AKAP13: variants seen among roughly 807,000 people sequenced by gnomAD.
AKAP13 encodes the protein A-kinase anchoring protein 13, also known as A-kinase anchor protein 13.
Under a neutral mutation model 264.5 loss-of-function variants are expected in AKAP13, and 80 were observed. The observed-to-expected ratio is 0.30, with a 90% CI of 0.25 to 0.36. The LOEUF is 0.36. Among genes scored for constraint, AKAP13 ranks in the 10% least tolerant of loss-of-function variants. The pLI is 1.00. For missense variants in AKAP13, 3,712 were observed against 3,435.2 expected, an observed-to-expected ratio of 1.08 and a Z score of -2.01; for synonymous variants, 1,380 against 1,250.2, an observed-to-expected ratio of 1.10 and a Z score of -2.19.
At chr15:85,647,493 T>C (rs1001910434) in intron 10 of AKAP13, among the ~76,000 whole-genome samples, 15 of 150,920 alleles carry the variant, frequency 9.9e-5, no homozygotes, top group African/African-American at 3.2e-4. Flanking sequence ...ATGTACCCTG[T>C]GTGCCTTCCT....
At chr15:85,446,629 A>G (rs1020631434) in intron 1 of AKAP13, among the ~76,000 whole-genome samples, 5 of 152,100 alleles carry the variant, frequency 3.3e-5, no homozygotes, top group African/African-American at 9.7e-5. Context: ...GGATGCGAGG[A>G]CAATCTGGAA....
At chr15:85,485,795 G>C (rs2075522403) in intron 2 of AKAP13, 42 bp downstream of exon 2, 1 of 1,591,536 alleles carries the variant, frequency 6.3e-7, no homozygotes, top group South Asian at 1.1e-5. Flanking sequence ...GTGTTTATCT[G>C]TTCTGCTTAC....
intron 34 of AKAP13, 31 bp downstream of exon 34, chr15:85,740,303 T>C: frequency 1.9e-6 from 3 of 1,612,972 alleles, no homozygotes; most frequent in Non-Finnish European, 2.5e-6. Flanking sequence ...TCCCTGCGTT[T>C]ATTTGTCTAG....
intron 4 of AKAP13, among the ~76,000 whole-genome samples, chr15:85,540,386 G>T (rs1238354760): frequency 6.6e-6 from 1 of 152,106 alleles, no homozygotes; most frequent in Non-Finnish European, 1.5e-5. Flanking sequence ...ACTGGTTAGG[G>T]GCTTTAATTA....
intron 1 of AKAP13, among the ~76,000 whole-genome samples, chr15:85,413,942 A>G (rs1231268556): frequency 1.3e-5 from 2 of 152,204 alleles, no homozygotes; most frequent in Non-Finnish European, 1.5e-5. Flanking sequence ...GAATATATGT[A>G]TATTTTAATT....
intron 1 of AKAP13, among the ~76,000 whole-genome samples, chr15:85,446,647 G>T (rs529328727): frequency 6.6e-6 from 1 of 152,110 alleles, no homozygotes; most frequent in South Asian, 2.1e-4. Flanking sequence ...GAATTAGCTG[G>T]TCTGGCCAAG....
At chr15:85,621,172 T>G (rs895622796) in intron 8 of AKAP13, 1 of 152,216 alleles carries the variant, frequency 6.6e-6, no homozygotes, top group East Asian at 1.9e-4. Flanking sequence ...ATTTTTTTCT[T>G]TGGTCAAGTG....
intron 3 of AKAP13, among the ~76,000 whole-genome samples, chr15:85,531,652 A>G (rs983338220): frequency 6.6e-6 from 1 of 152,198 alleles, no homozygotes; most frequent in Non-Finnish European, 1.5e-5. Context: ...CATATACATT[A>G]TTATAAAGTG....
At chr15:85,696,413 A>G (rs764205754) in intron 17 of AKAP13, among the ~76,000 whole-genome samples, 18 of 152,242 alleles carry the variant, frequency 1.2e-4, no homozygotes, top group Non-Finnish European at 2.2e-4. Flanking sequence ...GCTGCCTAAC[A>G]TAAAGACTGA....
chr15:85,460,408 T>C (rs1444633686), intron 1 of AKAP13, among the ~76,000 whole-genome samples: 1 of 152,252 alleles, frequency 6.6e-6, no homozygotes, highest in Non-Finnish European at 1.5e-5. Context: ...GGAAGTTCAC[T>C]GGTGTGACAT....
chr15:85,427,212 C>T (rs2072832859), intron 1 of AKAP13, among the ~76,000 whole-genome samples: 1 of 152,108 alleles, frequency 6.6e-6, no homozygotes, highest in Admixed American at 6.5e-5. Flanking sequence ...GCCTCGGCCT[C>T]CCAAAGTGCT....
intron 1 of AKAP13, among the ~76,000 whole-genome samples, chr15:85,477,139 A>G (rs1314200132): frequency 6.6e-6 from 1 of 152,102 alleles, no homozygotes; most frequent in African/African-American, 2.4e-5. Context: ...TGGTATCCCA[A>G]AAGAACTGTT....
chr15:85,656,916 A>G lies in AKAP13; in HGVS notation c.4745+1129A>G, dbSNP rs2083124798. Among the ~76,000 whole-genome samples the G allele has an allele frequency of 1.3e-5, 2 of 152,148 alleles. 1 individual carries two copies. Among genetic ancestry groups the G allele is most frequent in the South Asian group, 4.1e-4 (2 of 4,834 alleles). On this transcript the variant is annotated intron_variant, in intron 11 of 36. Transcript: ENST00000394518. Reference sequence around the variant, plus strand: ...GGATGAGGCTGACAGTTGTTTTAAAACAATTGATGTAATCTCATGAGCCCA... The same window carrying G: ...GGATGAGGCTGACAGTTGTTTTAAAGCAATTGATGTAATCTCATGAGCCCA...
rs2078965785 is a variant in AKAP13, at chr15:85,575,238, C to G, written c.770C>G (p.Ser257Cys). ...GAGTTGGACATCTATACATTAACCT[C>G]TGAGTCTGATTCACATCATGAACAC... ...HRELDIYTLT[S>C]ESDSHHEHPF... Residue 257 changes from serine to cysteine, a missense_variant, in exon 6 of 37, where the codon TCT becomes TGT. Physicochemically the swap from Ser to Cys is moderately radical, Grantham distance 112 (BLOSUM62 -1). Around this residue, in one of 3 missense-constraint regions of AKAP13, gnomAD observed 2,759 missense variants for 2,411.7 expected, o/e 1.14. Transcript: ENST00000394518. The G allele has an allele frequency of 6.2e-7, 1 of 1,614,186 alleles. No homozygotes were observed. The highest frequency in any genetic ancestry group is 8.5e-7 in the Non-Finnish European group (1 of 1,180,036).
rs202206128 is a variant in AKAP13, at chr15:85,743,529, C to T, written c.8096C>T (p.Ser2699Leu). Residue 2699 changes from serine to leucine, a missense_variant, in exon 36 of 37, where the codon TCG (serine) becomes TTG (leucine). By Grantham distance (145) the Ser-to-Leu change is moderately radical. Transcript: ENST00000394518. ...HPHTKLMRIP[S>L]FFPSPEEPPS... ...CATACCAAGCTGATGAGGATCCCAT[C>T]GTTCTTCCCCAGTCCTGAGGAGCCC... is the stretch of plus-strand genomic sequence containing the variant. 156 of 1,614,176 alleles carry T rather than the reference C, an allele frequency of 9.7e-5. No homozygotes were observed. Among genetic ancestry groups the T allele is most frequent in the African/African-American group, 8.0e-5 (6 of 75,052 alleles).
chr15:85,422,436 G>A (rs2072566509), intron 1 of AKAP13, among the ~76,000 whole-genome samples: 1 of 152,154 alleles, frequency 6.6e-6, no homozygotes, highest in Admixed American at 6.5e-5. Context: ...CTTATGTTGG[G>A]GAAGTACTCT....
intron 8 of AKAP13, among the ~76,000 whole-genome samples, chr15:85,588,528 C>G (rs1292913637): frequency 6.6e-6 from 1 of 152,186 alleles, no homozygotes; most frequent in African/African-American, 2.4e-5. Flanking sequence ...CAGGCTGGTA[C>G]TTGGCTCTAG....
chr15:85,487,214 A>G (rs1319346299), intron 2 of AKAP13, among the ~76,000 whole-genome samples: 1 of 152,178 alleles, frequency 6.6e-6, no homozygotes, highest in Non-Finnish European at 1.5e-5. Flanking sequence ...GTGATCAGAG[A>G]TCGTTTTCTT....
intron 3 of AKAP13, among the ~76,000 whole-genome samples, chr15:85,524,492 TA>T (rs2076948628): frequency 1.4e-5 from 2 of 145,786 alleles, no homozygotes; most frequent in Admixed American, 6.8e-5. Flanking sequence ...CTTTTATTAT[TA>T]TTTTTTTATT....
Sources: gnomAD v4.1 joint callset for allele counts (sites outside exome capture counted in the v4.1 genomes callset) on GRCh38, gnomAD v4.1.1 for gene constraint, gnomAD v4.1.1 regional missense constraint, MANE v1.5 for transcripts, NCBI Gene and HGNC (gene_info 2026-07-23, HGNC 2026-07-21) for gene names.